SRGAP1: variants seen among roughly 807,000 people sequenced by gnomAD.
SRGAP1 encodes SLIT-ROBO Rho GTPase activating protein 1.
In SRGAP1, 43 loss-of-function variants were observed where a neutral mutation model predicts 121.9. That is an observed-to-expected ratio of 0.35 (90% CI 0.28 to 0.46). The LOEUF (loss-of-function observed/expected upper bound fraction) is 0.46, where lower values mean the gene tolerates loss of function less well. Among genes scored for constraint, SRGAP1 ranks in the 20% least tolerant of loss-of-function variants. SRGAP1 has a pLI of 1.00. For missense variants in SRGAP1, 1,102 were observed against 1,350.9 expected, an observed-to-expected ratio of 0.82 and a Z score of 2.89; for synonymous variants, 447 against 485.4, an observed-to-expected ratio of 0.92 and a Z score of 1.04.
Position 64,097,417 on chromosome 12 carries a change from TC to T in SRGAP1, c.1813+43del, listed in dbSNP as rs528305546. 623 of 1,604,586 alleles carry T rather than the reference TC, an allele frequency of 3.9e-4. 1 individual carries two copies. Among genetic ancestry groups the T allele is most frequent in the Non-Finnish European group, 5.0e-4 (586 of 1,176,066 alleles). On this transcript the variant is annotated intron_variant, in intron 15 of 21. Coordinates refer to ENST00000355086, the MANE Select transcript of SRGAP1 (RefSeq NM_020762.4). ...TTCATCTTTTCCCACAAGAATTATT[TC>T]ACTAGCTAACTTCCTGGAAAAGGCA...
At chr12:63,957,850 A>T (rs2032520963) in intron 1 of SRGAP1, among the ~76,000 whole-genome samples, 2 of 152,156 alleles carry the variant, frequency 1.3e-5, no homozygotes. Context: ...ATCTCAAATG[A>T]GATGAGTGAT....
At chr12:63,973,971 A>G (rs560628414) in intron 1 of SRGAP1, among the ~76,000 whole-genome samples, 1 of 152,342 alleles carries the variant, frequency 6.6e-6, no homozygotes, top group Admixed American at 6.5e-5. Flanking sequence ...CAAAATGTAA[A>G]TCTTTGTATT....
chr12:64,071,046 T>G (rs1252533064), intron 8 of SRGAP1, among the ~76,000 whole-genome samples: 1 of 152,210 alleles, frequency 6.6e-6, no homozygotes, highest in Non-Finnish European at 1.5e-5. Context: ...GCCTGCAACC[T>G]TCTACTGATG....
intron 1 of SRGAP1, among the ~76,000 whole-genome samples, chr12:63,906,308 T>C (rs992438506): frequency 1.3e-5 from 2 of 152,064 alleles, no homozygotes; most frequent in African/African-American, 2.4e-5. Context: ...TTTTTGTTTG[T>C]TTCTGGTTTT....
chr12:64,137,961 A>AAATATAT lies in SRGAP1; in HGVS notation c.2881-4333_2881-4332insATATATA, dbSNP rs372355390. ...CTTTCTTAATTGTGCTTAAAAAAAA[A>AAATATAT]ATATATATATATATATATATAAAAA... On this transcript the variant is annotated intron_variant, in intron 21 of 21. Transcript: ENST00000355086. 4.8e-3 allele frequency among the ~76,000 whole-genome samples: 676 copies of AAATATAT among 139,640 alleles called. 3 individuals carry two copies. Among genetic ancestry groups the AAATATAT allele is most frequent in the South Asian group, 0.031 (138 of 4,442 alleles). The allele number at this position is 139,640 out of a possible 152,430, so 91.6% of individuals were successfully genotyped here. A position where few individuals can be genotyped will look rare whatever the true frequency, so the allele number is the denominator to read the frequency against.
At position 63,844,749 on chromosome 12, in the gene SRGAP1, C is replaced by A. The variant is rs1898840362; in HGVS notation, c.-68C>A. The A allele has an allele frequency of 1.3e-6, 2 of 1,521,154 alleles. No homozygotes were observed. The highest frequency in any genetic ancestry group is 1.4e-5 in the African/African-American group (1 of 72,964). The allele number at this position is 1,521,154 out of a possible 1,614,324, so 94.2% of individuals were successfully genotyped here. A position where few individuals can be genotyped will look rare whatever the true frequency, so the allele number is the denominator to read the frequency against. On this transcript the variant is annotated 5_prime_UTR_variant, in exon 1 of 22. Coordinates refer to ENST00000355086, the MANE Select transcript of SRGAP1 (RefSeq NM_020762.4). This position sits in a 1 kb window ranked among gnomAD's most constrained non-coding sequence, Gnocchi z 4.3. ...GTGTGGGAGTACAACTCTGCCTCTC[C>A]AAGGAGAACGGGTTGTGACCACTGA...
chr12:64,148,135 CAT>C lies in SRGAP1; in HGVS notation c.*5465_*5466del, dbSNP rs1419431267. On this transcript the variant is annotated 3_prime_UTR_variant, in exon 22 of 22. Transcript: ENST00000355086. ...GCTGAGAGTGTACAAGCCTCCTAAA[CAT>C]ACACCAGATTGAAATCTTTCTTTTG... is the stretch of plus-strand genomic sequence containing the variant. 1 of 152,996 alleles carries C rather than the reference CAT, an allele frequency of 6.5e-6. No individual in the cohort carries two copies. The highest frequency in any genetic ancestry group is 1.5e-5 in the Non-Finnish European group (1 of 68,678). The allele number at this position is 152,996 out of a possible 1,614,324, so 9.5% of individuals were successfully genotyped here.
Position 64,111,879 on chromosome 12 carries a change from G to A in SRGAP1, c.2037G>A (p.Val679=). 1 of 1,614,000 alleles carries A rather than the reference G, an allele frequency of 6.2e-7. No homozygotes were observed. The highest frequency in any genetic ancestry group is 8.5e-7 in the Non-Finnish European group (1 of 1,180,000). Residue 679 remains valine (V), a synonymous_variant, in exon 17 of 22, where the codon GTG becomes GTA. Coordinates refer to ENST00000355086, the MANE Select transcript of SRGAP1 (RefSeq NM_020762.4). The stretch of plus-strand genomic sequence containing the variant: ...ATCAAGTGTCTTGCCAGGCACATGT[G>A]AATGAAATTATCAAAACCATCATCA... ...IQDQVSCQAH[V]NEIIKTIIIH...
chr12:63,850,787 C>CA (rs1399904196), intron 1 of SRGAP1, among the ~76,000 whole-genome samples: 2 of 152,032 alleles, frequency 1.3e-5, no homozygotes, highest in African/African-American at 4.8e-5. Flanking sequence ...AAACAACTAA[C>CA]AAAATAAAGA....
At chr12:63,985,093 A>G (rs2033379221) in intron 2 of SRGAP1, among the ~76,000 whole-genome samples, 1 of 151,906 alleles carries the variant, frequency 6.6e-6, no homozygotes, top group Admixed American at 6.6e-5. Flanking sequence ...AAGTGCTCCA[A>G]CAGGGGAAGG....
chr12:64,095,092 G>A lies in SRGAP1; in HGVS notation c.1601-35G>A, dbSNP rs1406783404. ...AAAGAGGGACCTAGACAATGTGATG[G>A]GGGTTTTATCCTCTTTCCCTTCTTT... On this transcript the variant is annotated intron_variant, in intron 13 of 21. Transcript: ENST00000355086. The A allele has an allele frequency of 1.2e-5, 20 of 1,609,982 alleles. No individual in the cohort carries two copies. The Admixed American group carries it at 3.3e-4, about 27-fold the overall frequency.
chr12:64,101,217 C>G (rs866789825), intron 15 of SRGAP1, among the ~76,000 whole-genome samples: 1 of 151,824 alleles, frequency 6.6e-6, no homozygotes, highest in South Asian at 2.1e-4. Context: ...TATAGAAAAA[C>G]TTCCCTTTTC....
intron 3 of SRGAP1, among the ~76,000 whole-genome samples, chr12:63,996,631 A>G (rs1208797012): frequency 6.6e-6 from 1 of 152,164 alleles, no homozygotes; most frequent in Non-Finnish European, 1.5e-5. Flanking sequence ...AAGCTAACAC[A>G]TATAGTTTAG....
chr12:63,949,845 G>A (rs189808366), intron 1 of SRGAP1, among the ~76,000 whole-genome samples: 2 of 152,222 alleles, frequency 1.3e-5, no homozygotes, highest in African/African-American at 4.8e-5. Flanking sequence ...TCCAATTAAT[G>A]ATTCTTTGGA....
At position 63,988,490 on chromosome 12, in the gene SRGAP1, T is replaced by A. The variant is rs12305930; in HGVS notation, c.264-1420T>A. On this transcript the variant is annotated intron_variant, in intron 2 of 21. Transcript: ENST00000355086. ...TGGGAAGAATGGGAGGCTGCCCTCA[T>A]GGGTGCCAAGTGCTAGGAGCCTAAA... Among the ~76,000 whole-genome samples the A allele has an allele frequency of 2.0e-5, 3 of 152,170 alleles. No homozygotes were observed. The East Asian group carries it at 5.8e-4, about 29-fold the overall frequency.
At chr12:63,867,762 TA>T (rs946720321) in intron 1 of SRGAP1, among the ~76,000 whole-genome samples, 14 of 150,766 alleles carry the variant, frequency 9.3e-5, no homozygotes, top group Admixed American at 2.0e-4. Flanking sequence ...TAGTGACATT[TA>T]AAAAAAAATA....
In SRGAP1 at chr12:63,954,677, C is replaced by CA. The variant is rs60508657; in HGVS notation, c.68-29255dup. 1.8e-3 allele frequency among the ~76,000 whole-genome samples: 193 copies of CA among 104,554 alleles called. 3 individuals are homozygous for CA. Among genetic ancestry groups the CA allele is most frequent in the Middle Eastern group, 0.011 (2 of 184 alleles). 68.6% of individuals were successfully genotyped at this position (104,554 alleles called of 152,430 possible). A position where few individuals can be genotyped will look rare whatever the true frequency, so the allele number is the denominator to read the frequency against. On this transcript the variant is annotated intron_variant, in intron 1 of 21. Transcript: ENST00000355086. Reference sequence around the variant, plus strand: ...TGGGGGACAGAGCGAGACTCCATCTCAAAAAAAAAAAAAAAGAAAAGAAAA... The same window carrying CA: ...TGGGGGACAGAGCGAGACTCCATCTCAAAAAAAAAAAAAAAAGAAAAGAAAA...
At chr12:63,880,800 G>A (rs746132570) in intron 1 of SRGAP1, among the ~76,000 whole-genome samples, 2 of 152,308 alleles carry the variant, frequency 1.3e-5, no homozygotes, top group Non-Finnish European at 2.9e-5. Context: ...GGACTTTGCA[G>A]TAGGAACTAT....
chr12:64,058,587 A>G (rs1324380293), intron 6 of SRGAP1, among the ~76,000 whole-genome samples: 2 of 152,190 alleles, frequency 1.3e-5, no homozygotes, highest in Non-Finnish European at 2.9e-5. Flanking sequence ...GTATCTGTTC[A>G]GAATTTTTCA....
Sources: gnomAD v4.1 joint callset for allele counts (sites outside exome capture counted in the v4.1 genomes callset) on GRCh38, gnomAD v4.1.1 for gene constraint, Gnocchi (gnomAD v3.1) non-coding constraint, MANE v1.5 for transcripts, NCBI Gene and HGNC (gene_info 2026-07-23, HGNC 2026-07-21) for gene names.